OPCML: variants seen among roughly 807,000 people sequenced by gnomAD.
OPCML encodes the protein opioid binding protein/cell adhesion molecule like.
A neutral mutation model predicts 37.8 loss-of-function variants in OPCML; 13 were observed. That is an observed-to-expected ratio of 0.34 (90% CI 0.22 to 0.55). OPCML has a LOEUF of 0.55. Among genes scored for constraint, OPCML ranks in the 20% least tolerant of loss-of-function variants. The pLI, the probability that OPCML is intolerant of heterozygous loss-of-function variation, is 0.91. For synonymous variants in OPCML, 176 were observed against 168.8 expected (o/e 1.04, Z -0.33); for missense variants, 341 against 435.6 (o/e 0.78, Z 1.93).
chr11:133,252,878 T>C (rs1941182532), intron 1 of OPCML, among the ~76,000 whole-genome samples: 1 of 152,292 alleles, frequency 6.6e-6, no homozygotes, highest in South Asian at 2.1e-4. Context: ...CCAGGTACGG[T>C]GGCTCATGCC....
At chr11:132,625,467 C>G (rs2137947735) in intron 3 of OPCML, among the ~76,000 whole-genome samples, 1 of 152,314 alleles carries the variant, frequency 6.6e-6, no homozygotes, top group Non-Finnish European at 1.5e-5. Flanking sequence ...CCACCATAAT[C>G]TCCAGCATCT....
intron 1 of OPCML, among the ~76,000 whole-genome samples, chr11:133,288,740 C>A (rs1942373290): frequency 6.6e-6 from 1 of 152,092 alleles, no homozygotes; most frequent in Non-Finnish European, 1.5e-5. Flanking sequence ...TTTGTTTTTT[C>A]AAATCTCCCA....
intron 1 of OPCML, among the ~76,000 whole-genome samples, chr11:133,315,986 G>A (rs2136608058): frequency 1.3e-5 from 2 of 152,232 alleles, no homozygotes; most frequent in Middle Eastern, 6.8e-3. Flanking sequence ...TGCCTCTGTT[G>A]AGCCCTCATT....
chr11:132,582,767 C>T (rs1268763127), intron 3 of OPCML, among the ~76,000 whole-genome samples: 1 of 151,022 alleles, frequency 6.6e-6, no homozygotes, highest in Non-Finnish European at 1.5e-5. Context: ...GGTAATCGTT[C>T]AGTCATGCAG....
At chr11:132,622,448 G>T (rs890938067) in intron 3 of OPCML, among the ~76,000 whole-genome samples, 2 of 152,170 alleles carry the variant, frequency 1.3e-5, no homozygotes, top group African/African-American at 4.8e-5. Flanking sequence ...AAATGGAAAA[G>T]ATTAAAAGGA....
At chr11:132,897,181 T>C (rs1164882215) in intron 2 of OPCML, among the ~76,000 whole-genome samples, 1 of 152,218 alleles carries the variant, frequency 6.6e-6, no homozygotes, top group African/African-American at 2.4e-5. Context: ...TTGGAGCTTT[T>C]GGCAGGGTGC....
At chr11:133,476,069 C>T (rs1947231520) in intron 1 of OPCML, among the ~76,000 whole-genome samples, 1 of 152,132 alleles carries the variant, frequency 6.6e-6, no homozygotes, top group African/African-American at 2.4e-5. Flanking sequence ...CAGGGCTCTC[C>T]CTATATTCAC....
intron 1 of OPCML, among the ~76,000 whole-genome samples, chr11:133,126,501 C>T (rs956122806): frequency 1.3e-5 from 2 of 152,148 alleles, no homozygotes; most frequent in African/African-American, 4.8e-5. Context: ...TCACAAACAG[C>T]GCACAGAAAA....
intron 1 of OPCML, among the ~76,000 whole-genome samples, chr11:133,435,320 C>A (rs1391957615): frequency 6.6e-6 from 1 of 152,134 alleles, no homozygotes; most frequent in African/African-American, 2.4e-5. Flanking sequence ...GCTTAACTTT[C>A]TCCCTGACTT....
intron 1 of OPCML, among the ~76,000 whole-genome samples, chr11:133,427,723 T>C (rs966864355): frequency 2.0e-5 from 3 of 152,176 alleles, no homozygotes; most frequent in African/African-American, 7.2e-5. Context: ...TCAAGTTTTT[T>C]TTAAAGTGGT....
Position 132,545,991 on chromosome 11 carries a change from G to T in OPCML, c.380-16805C>A, listed in dbSNP as rs1198541156. Among the ~76,000 whole-genome samples, 3 of 152,188 alleles carry T rather than the reference G, an allele frequency of 2.0e-5. No homozygotes were observed. The East Asian group carries it at 5.8e-4, about 29-fold the overall frequency. ...TGATTGCTGATAGATTTCCTTTCAT[G>T]AGGGTCTTACCATTGTTCCAATCCA... On this transcript the variant is annotated intron_variant, in intron 3 of 7. Transcript: ENST00000524381.
Position 133,140,695 on chromosome 11 carries a change from GGAA to G in OPCML, c.62-197688_62-197686del, listed in dbSNP as rs1307409732. 1.2e-4 allele frequency among the ~76,000 whole-genome samples: 10 copies of G among 85,608 alleles called. No individual in the cohort carries two copies. The South Asian group carries it at 4.7e-3, about 40-fold the overall frequency. The allele number at this position is 85,608 out of a possible 152,430, so 56.2% of individuals were successfully genotyped here. ...AGAAGAAAGAAGAAAGATGGAAGAC[GGAA>G]GAAGAAGACGGAAGACGAAGACGGA... On this transcript the variant is annotated intron_variant, in intron 1 of 7. Transcript: ENST00000524381.
chr11:132,485,443 TG>T (rs1428453508), intron 4 of OPCML, among the ~76,000 whole-genome samples: 2 of 152,180 alleles, frequency 1.3e-5, no homozygotes, highest in Non-Finnish European at 1.5e-5. Flanking sequence ...TGATGTGTTT[TG>T]GCAAGCGTGA....
At chr11:132,980,250 C>CAG (rs367925142) in intron 1 of OPCML, among the ~76,000 whole-genome samples, 313 of 152,242 alleles carry the variant, frequency 2.1e-3, no homozygotes, top group African/African-American at 7.2e-3. Context: ...AAAAGAAAGC[C>CAG]AGAGAGAGAT....
intron 3 of OPCML, among the ~76,000 whole-genome samples, chr11:132,636,365 T>C (rs1405415674): frequency 6.6e-6 from 1 of 152,234 alleles, no homozygotes; most frequent in African/African-American, 2.4e-5. Flanking sequence ...TCTGTTATTT[T>C]AGGTAGAAGA....
At chr11:133,314,165 T>G (rs112584144) in intron 1 of OPCML, among the ~76,000 whole-genome samples, 6,943 of 129,690 alleles carry the variant, frequency 0.054, 198 homozygotes, top group Middle Eastern at 0.091. Flanking sequence ...AACCCAGGAG[T>G]CGGAGCTTGC....
intron 1 of OPCML, among the ~76,000 whole-genome samples, chr11:132,975,496 T>TCTC (rs1261153789): frequency 9.4e-6 from 1 of 105,968 alleles, no homozygotes; most frequent in Non-Finnish European, 1.8e-5. Context: ...TTACCCAACT[T>TCTC]CTCCAGCCTG....
At chr11:132,820,098 TGAATGAAA>T (rs1357155464) in intron 2 of OPCML, among the ~76,000 whole-genome samples, 9 of 118,350 alleles carry the variant, frequency 7.6e-5, no homozygotes, top group South Asian at 2.8e-4. Flanking sequence ...AATGAATGAA[TGAATGAAA>T]GAAACCAGAA....
At chr11:132,621,019 C>A (rs1255825958) in intron 3 of OPCML, among the ~76,000 whole-genome samples, 1 of 152,208 alleles carries the variant, frequency 6.6e-6, no homozygotes. Flanking sequence ...GTCAAGGAAG[C>A]CAACAGAATC....
Sources: gnomAD v4.1 joint callset for allele counts (sites outside exome capture counted in the v4.1 genomes callset) on GRCh38, gnomAD v4.1.1 for gene constraint, MANE v1.5 for transcripts, NCBI Gene and HGNC (gene_info 2026-07-23, HGNC 2026-07-21) for gene names.